The following SESTD1 variants were observed in gnomAD, a reference collection of about 807,000 sequenced individuals.
SESTD1 encodes SEC14 domain and spectrin repeat-containing protein 1.
SESTD1 carries 43 observed loss-of-function variants against 101.7 expected under a neutral mutation model. The observed-to-expected ratio is 0.42, with a 90% CI of 0.33 to 0.55. SESTD1 has a LOEUF of 0.55. Ranked by LOEUF, SESTD1 falls within the 20% of genes least tolerant of loss-of-function variation. The pLI, the probability that SESTD1 is intolerant of heterozygous loss-of-function variation, is 0.07. For missense variants in SESTD1, 647 were observed against 815.1 expected, an observed-to-expected ratio of 0.79 and a Z score of 2.51; for synonymous variants, 283 against 286.8, an observed-to-expected ratio of 0.99 and a Z score of 0.13.
intron 5 of SESTD1, among the ~76,000 whole-genome samples, chr2:179,161,762 A>G (rs748551962): frequency 5.9e-5 from 9 of 152,128 alleles, no homozygotes; most frequent in Non-Finnish European, 8.8e-5. Flanking sequence ...TAAAAAACCT[A>G]GCTGGCTTGT....
chr2:179,146,320 T>C, intron 8 of SESTD1, 82 bp downstream of exon 8: 1 of 1,297,982 alleles, frequency 7.7e-7, no homozygotes, highest in Non-Finnish European at 1.1e-6. Context: ...ACCACATTCA[T>C]GCTGAATTCA....
At chr2:179,167,685 C>A (rs1320657036) in intron 5 of SESTD1, among the ~76,000 whole-genome samples, 1 of 152,186 alleles carries the variant, frequency 6.6e-6, no homozygotes, top group Non-Finnish European at 1.5e-5. Flanking sequence ...ATATAAATAA[C>A]AGCGGCCTTC....
chr2:179,145,750 TGATCTTCGGCAA>T, intron 8 of SESTD1, among the ~76,000 whole-genome samples: 1 of 152,320 alleles, frequency 6.6e-6, no homozygotes, highest in East Asian at 1.9e-4. Flanking sequence ...AATAGTTACT[TGATCTTCGGCAA>T]GTCATTTTGG....
intron 5 of SESTD1, among the ~76,000 whole-genome samples, chr2:179,152,069 C>A (rs11893371): frequency 0.085 from 12,890 of 151,968 alleles, 1,804 homozygotes; most frequent in African/African-American, 0.29. Context: ...GCATAAAAAA[C>A]AAAATACATC....
chr2:179,181,975 G>A (rs762688795), intron 3 of SESTD1, among the ~76,000 whole-genome samples: 2 of 128,430 alleles, frequency 1.6e-5, no homozygotes, highest in Admixed American at 8.6e-5. Context: ...CATGAAGACC[G>A]CTGTTTCCAC....
intron 1 of SESTD1, among the ~76,000 whole-genome samples, chr2:179,205,232 G>C (rs1367675357): frequency 8.1e-6 from 1 of 123,310 alleles, no homozygotes; most frequent in African/African-American, 3.4e-5. Flanking sequence ...CATTTAATTT[G>C]AATAAAAATG....
At chr2:179,263,543 C>T (rs562232028) in intron 1 of SESTD1, among the ~76,000 whole-genome samples, 21 of 152,250 alleles carry the variant, frequency 1.4e-4, no homozygotes, top group African/African-American at 4.6e-4. Context: ...AGTGGGCATG[C>T]TTGACACAAG....
intron 6 of SESTD1, among the ~76,000 whole-genome samples, chr2:179,149,949 T>C (rs1450222634): frequency 2.6e-5 from 4 of 152,178 alleles, no homozygotes; most frequent in African/African-American, 9.7e-5. Context: ...GGAAATAGGC[T>C]GGGTGCAGTA....
intron 9 of SESTD1, among the ~76,000 whole-genome samples, chr2:179,136,892 T>C (rs1270254282): frequency 6.6e-6 from 1 of 152,118 alleles, no homozygotes; most frequent in African/African-American, 2.4e-5. Flanking sequence ...AATGGACATA[T>C]ATATGTATAT....
chr2:179,161,610 C>T (rs1373021005), intron 5 of SESTD1, among the ~76,000 whole-genome samples: 2 of 150,010 alleles, frequency 1.3e-5, no homozygotes, highest in African/African-American at 4.9e-5. Context: ...TGCAGGGAGC[C>T]GAGATCACGC....
intron 4 of SESTD1, among the ~76,000 whole-genome samples, 163 bp from the exon 5 acceptor site, chr2:179,172,396 A>G (rs989442094): frequency 1.3e-5 from 2 of 152,202 alleles, no homozygotes; most frequent in African/African-American, 4.8e-5. Context: ...ATACATGGCA[A>G]TAAAGAAGAA....
chr2:179,118,574 T>C (rs1032529494), intron 13 of SESTD1, among the ~76,000 whole-genome samples: 4 of 152,132 alleles, frequency 2.6e-5, no homozygotes, highest in Non-Finnish European at 5.9e-5. Context: ...AAAATAAAGA[T>C]GCTCTGAATA....
At chr2:179,252,110 T>A (rs1209982787) in intron 1 of SESTD1, among the ~76,000 whole-genome samples, 1 of 152,234 alleles carries the variant, frequency 6.6e-6, no homozygotes, top group Non-Finnish European at 1.5e-5. Context: ...AAATATTCTC[T>A]CAAGGTTCAA....
chr2:179,128,057 T>C (rs1471729323), intron 10 of SESTD1, among the ~76,000 whole-genome samples: 1 of 152,194 alleles, frequency 6.6e-6, no homozygotes, highest in Non-Finnish European at 1.5e-5. Context: ...ATTAGACCAC[T>C]TGGGGTGTTT....
intron 17 of SESTD1, 22 bp downstream of exon 17, chr2:179,112,702 A>C: frequency 6.4e-7 from 1 of 1,571,224 alleles, no homozygotes; most frequent in Non-Finnish European, 8.6e-7. Flanking sequence ...AAAAAATAAA[A>C]TTATAAGAAC....
rs576946382 is a variant in SESTD1, at chr2:179,112,666, T to A, written c.1961+58A>T. 52 of 1,493,262 alleles carry A rather than the reference T, an allele frequency of 3.5e-5. No individual in the cohort carries two copies. In the African/African-American group the frequency reaches 6.0e-4, roughly 17 times the overall value. 92.5% of individuals were successfully genotyped at this position (1,493,262 alleles called of 1,614,324 possible). ...TTAAAGAATAGATTTCCTCTTTTAA[T>A]GATTTCACTTTAAGACCACACCAAT... is the stretch of plus-strand genomic sequence containing the variant. On this transcript the variant is annotated intron_variant, in intron 17 of 17. Coordinates refer to ENST00000428443, the MANE Select transcript of SESTD1 (RefSeq NM_178123.5).
At chr2:179,241,062 A>T (rs1285554474) in intron 1 of SESTD1, among the ~76,000 whole-genome samples, 1 of 152,198 alleles carries the variant, frequency 6.6e-6, no homozygotes, top group African/African-American at 2.4e-5. Flanking sequence ...AGAACCAAAA[A>T]ATACAATAAT....
Position 179,109,824 on chromosome 2 carries a change from TGTG to T in SESTD1, c.*72_*74del, listed in dbSNP as rs913204171. ...TTTGGCTGTGAAATGCATCTTAAGGTGTGGTGGCTAATGCTGTAGTATGTTGAC... is the reference window on the plus strand; with the variant it reads ...TTTGGCTGTGAAATGCATCTTAAGGTGTGGCTAATGCTGTAGTATGTTGAC... On this transcript the variant is annotated 3_prime_UTR_variant, in exon 18 of 18. Coordinates refer to ENST00000428443, the MANE Select transcript of SESTD1 (RefSeq NM_178123.5). The T allele has an allele frequency of 5.1e-5, 78 of 1,538,792 alleles. No individual in the cohort carries two copies. The African/African-American group carries it at 8.2e-4, about 16-fold the overall frequency.
At chr2:179,173,714 A>C (rs2045963799) in intron 4 of SESTD1, among the ~76,000 whole-genome samples, 1 of 152,174 alleles carries the variant, frequency 6.6e-6, no homozygotes, top group African/African-American at 2.4e-5. Flanking sequence ...CGAAAGGTCC[A>C]GATAATAAGT....
Sources: allele counts gnomAD v4.1 joint callset (sites outside exome capture counted in the v4.1 genomes callset), GRCh38; gene constraint gnomAD v4.1.1; transcripts MANE v1.5; gene names NCBI Gene and HGNC (gene_info 2026-07-23, HGNC 2026-07-21).